Variants in ODF2 observed in about 807,000 individuals in gnomAD.
ODF2 encodes outer dense fiber protein 2.
Under a neutral mutation model 110.2 loss-of-function variants are expected in ODF2, and 47 were observed. The ratio of observed to expected loss-of-function variants is 0.43; its 90% CI spans 0.34 to 0.54. ODF2 has a LOEUF of 0.54. Ranked by LOEUF, ODF2 falls within the 20% of genes least tolerant of loss-of-function variation. The pLI is 0.03. For missense variants in ODF2, 812 were observed against 1,054.5 expected (o/e 0.77, Z 3.19); for synonymous variants, 352 against 397.7 (o/e 0.89, Z 1.37).
chr9:128,456,834 C>T, intron 1 of ODF2: 1 of 1,296,504 alleles, frequency 7.7e-7, no homozygotes, highest in Non-Finnish European at 9.8e-7. Flanking sequence ...TCCCTCGCGG[C>T]GGGGCGCCCG....
chr9:128,484,036 C>T lies in ODF2; in HGVS notation c.1086C>T (p.Arg362=), dbSNP rs950504279. 7 of 1,611,510 alleles carry T rather than the reference C, an allele frequency of 4.3e-6. No homozygotes were observed. In the Admixed American group the frequency reaches 6.7e-5, roughly 15 times the overall value. The change falls in exon 11 of 21, where the codon CGC becomes CGT. Residue 362 remains arginine, a synonymous_variant. Coordinates refer to ENST00000604420, the Ensembl canonical transcript of ODF2. ...GGTCCAAAGAGGCTGAGAACAGTCG[C>T]CTGTGCATGCAGATTAAGGTACCTA...
At chr9:128,460,042 T>C (rs1396612347) in intron 3 of ODF2, 3 of 887,370 alleles carry the variant, frequency 3.4e-6, no homozygotes, top group Admixed American at 2.3e-5. Context: ...GACAGCCTTC[T>C]CATCCTTAGG....
intron 5 of ODF2, among the ~76,000 whole-genome samples, chr9:128,469,728 C>G (rs1839228143): frequency 6.6e-6 from 1 of 151,826 alleles, no homozygotes; most frequent in Non-Finnish European, 1.5e-5. Context: ...GGCATGGTGG[C>G]TCACGCCTGT....
intron 1 of ODF2, chr9:128,456,793 C>A: frequency 9.0e-7 from 1 of 1,105,876 alleles, no homozygotes; most frequent in Non-Finnish European, 1.2e-6. Context: ...CCCAGCCCGG[C>A]GTCTATCCTG....
At chr9:128,498,437 G>T in exon 19 of ODF2, 1 of 1,606,562 alleles carries the variant, frequency 6.2e-7, no homozygotes, top group Non-Finnish European at 8.5e-7. Context: ...CCAGTGCCCA[G>T]AATATCGAGT....
At chr9:128,478,700 G>A (rs754559081) in intron 8 of ODF2, among the ~76,000 whole-genome samples, 2 of 152,066 alleles carry the variant, frequency 1.3e-5, no homozygotes, top group African/African-American at 2.4e-5. Context: ...TGGAGATGAA[G>A]GGTCAGCTAA....
chr9:128,455,615 A>G (rs560059024), upstream of ODF2, among the ~76,000 whole-genome samples: 2 of 150,208 alleles, frequency 1.3e-5, no homozygotes, highest in South Asian at 4.2e-4. Flanking sequence ...TAGTGAACAG[A>G]ACAGCAAGGG....
chr9:128,499,076 C>A (rs771102458), exon 20 of ODF2: 31 of 1,614,058 alleles, frequency 1.9e-5, no homozygotes, highest in Non-Finnish European at 2.4e-5. Flanking sequence ...TGAGACCCAG[C>A]TGAGCAGAAC....
chr9:128,484,535 G>A (rs1325047231), intron 11 of ODF2, among the ~76,000 whole-genome samples, 166 bp from the exon 12 acceptor site: 1 of 152,170 alleles, frequency 6.6e-6, no homozygotes. Context: ...TGTGTCTCTG[G>A]TCCGAGTTAG....
At chr9:128,497,756 T>C (rs919348327) in intron 18 of ODF2, 3 of 152,044 alleles carry the variant, frequency 2.0e-5, no homozygotes, top group African/African-American at 4.8e-5. Context: ...CCAGTGCACT[T>C]GCAAGGAGGC....
chr9:128,469,507 A>T (rs1839173381), intron 5 of ODF2, 154 bp downstream of exon 5: 1 of 709,130 alleles, frequency 1.4e-6, no homozygotes, highest in Non-Finnish European at 2.4e-6. Context: ...CCCGGGAGGT[A>T]GCTGGGGCAG....
At chr9:128,479,212 A>G (rs1292498722) in intron 8 of ODF2, among the ~76,000 whole-genome samples, 1 of 152,138 alleles carries the variant, frequency 6.6e-6, no homozygotes, top group Non-Finnish European at 1.5e-5. Context: ...CTCTGGGCTT[A>G]TGAAGGGGAT....
chr9:128,468,513 G>T (rs1045166609), intron 4 of ODF2, among the ~76,000 whole-genome samples: 1 of 151,904 alleles, frequency 6.6e-6, no homozygotes, highest in Non-Finnish European at 1.5e-5. Flanking sequence ...ACAGGCATGT[G>T]CCACTACACC....
exon 3 of ODF2, chr9:128,459,636 C>T (rs985851112): frequency 2.0e-5 from 32 of 1,613,436 alleles, no homozygotes; most frequent in Middle Eastern, 3.3e-4. Context: ...CACCTTGTGG[C>T]GCACCCAGTG....
Position 128,494,733 on chromosome 9 carries a change from C to T in ODF2, c.1911+65C>T. ...GCAGGGGCCCGCATACCAAGATGAG[C>T]TGCACGCCCCCCAAGGGAGGACTAC... is the stretch of plus-strand genomic sequence containing the variant. On this transcript the variant is annotated intron_variant, in intron 17 of 20. Transcript: ENST00000604420. The surrounding 1 kb of genome is among the most constrained non-coding windows in gnomAD (Gnocchi z 4.6). 6.2e-7 allele frequency: 1 copy of T among 1,613,946 alleles called. No homozygotes were observed. Among genetic ancestry groups the T allele is most frequent in the Non-Finnish European group, 8.5e-7 (1 of 1,179,994 alleles).
intron 3 of ODF2, 52 bp downstream of exon 3, chr9:128,460,718 G>C (rs1039532520): frequency 6.2e-7 from 1 of 1,604,698 alleles, no homozygotes; most frequent in African/African-American, 1.3e-5. Flanking sequence ...GGGTGATCCT[G>C]CTAAGCCCAG....
exon 21 of ODF2, chr9:128,500,284 T>C: frequency 6.2e-7 from 1 of 1,610,414 alleles, no homozygotes. Flanking sequence ...GGAGCCCTGA[T>C]GGAAGCCATA....
At chr9:128,498,182 G>A (rs1266587843) in intron 18 of ODF2, 2 of 426,844 alleles carry the variant, frequency 4.7e-6, no homozygotes, top group Non-Finnish European at 7.9e-6. Context: ...CAAAGCCCAC[G>A]GTCAGTCTCT....
At chr9:128,455,553 C>CAAAAA (rs55634490), upstream of ODF2, among the ~76,000 whole-genome samples, 5 of 56,826 alleles carry the variant, frequency 8.8e-5, no homozygotes, top group Admixed American at 2.2e-4. Context: ...GAATCTGTCT[C>CAAAAA]AAAAAAAAAA....
Sources: gnomAD v4.1 joint callset for allele counts (sites outside exome capture counted in the v4.1 genomes callset) on GRCh38, gnomAD v4.1.1 for gene constraint, Gnocchi (gnomAD v3.1) non-coding constraint, MANE v1.5 for transcripts, NCBI Gene and HGNC (gene_info 2026-07-23, HGNC 2026-07-21) for gene names.